DHRS7B: variants seen among roughly 807,000 people sequenced by gnomAD.
DHRS7B encodes the protein dehydrogenase/reductase 7B.
Under a neutral mutation model 26.4 loss-of-function variants are expected in DHRS7B, and 24 were observed. That is an observed-to-expected ratio of 0.91 (90% CI 0.66 to 1.28). The LOEUF is 1.28. Ranked by LOEUF, DHRS7B falls within the 50% of genes most tolerant of loss-of-function variation. The pLI is 0.00. For synonymous variants in DHRS7B, 142 were observed against 166.4 expected (o/e 0.85, Z 1.13); for missense variants, 368 against 419.4 (o/e 0.88, Z 1.07).
At chr17:21,164,790 C>A (rs563630702) in intron 1 of DHRS7B, among the ~76,000 whole-genome samples, 2 of 152,320 alleles carry the variant, frequency 1.3e-5, no homozygotes, top group African/African-American at 4.8e-5. Context: ...CCAGCCCTAG[C>A]CCAGTGCCTG....
chr17:21,156,621 A>G (rs1567621790), intron 1 of DHRS7B, among the ~76,000 whole-genome samples: 1 of 147,160 alleles, frequency 6.8e-6, no homozygotes, highest in South Asian at 2.2e-4. Context: ...TAATTATAAT[A>G]AAAAAAATAA....
At chr17:21,179,478 T>C (rs1171937556) in intron 3 of DHRS7B, among the ~76,000 whole-genome samples, 1 of 152,062 alleles carries the variant, frequency 6.6e-6, no homozygotes, top group Non-Finnish European at 1.5e-5. Flanking sequence ...TGCATGCCCG[T>C]AGTCCCAACT....
At chr17:21,164,046 T>TTTTTTTTTTTTTTTTTTTTTTTTTTG (rs1974057627) in intron 1 of DHRS7B, among the ~76,000 whole-genome samples, 1 of 147,644 alleles carries the variant, frequency 6.8e-6, no homozygotes, top group African/African-American at 2.5e-5. Flanking sequence ...TTTTTTTTTT[T>TTTTTTTTTTTTTTTTTTTTTTTTTTG]GAGACAGGGT....
chr17:21,177,299 C>T (rs748860139), intron 2 of DHRS7B, among the ~76,000 whole-genome samples: 6 of 152,232 alleles, frequency 3.9e-5, no homozygotes, highest in Non-Finnish European at 7.3e-5. Context: ...AGGTTTCGGC[C>T]ATCCGGCTCT....
chr17:21,133,485 A>T (rs998113741), intron 1 of DHRS7B, among the ~76,000 whole-genome samples: 1 of 152,224 alleles, frequency 6.6e-6, no homozygotes, highest in Non-Finnish European at 1.5e-5. Flanking sequence ...TGAGTTTCTG[A>T]TGAGACTTCC....
At chr17:21,180,760 G>A (rs995693280) in intron 3 of DHRS7B, among the ~76,000 whole-genome samples, 8 of 152,046 alleles carry the variant, frequency 5.3e-5, no homozygotes, top group African/African-American at 1.9e-4. Flanking sequence ...TTGAAGTGAG[G>A]AAGTGTGAGT....
intron 1 of DHRS7B, among the ~76,000 whole-genome samples, chr17:21,138,079 T>C (rs79476848): frequency 1.1e-5 from 1 of 91,964 alleles, no homozygotes; most frequent in Non-Finnish European, 2.0e-5. Context: ...AAAAAAAATA[T>C]ATATATATAT....
At chr17:21,176,511 G>A (rs1974382473) in intron 2 of DHRS7B, among the ~76,000 whole-genome samples, 1 of 152,020 alleles carries the variant, frequency 6.6e-6, no homozygotes, top group African/African-American at 2.4e-5. Flanking sequence ...TGAGGTGGAA[G>A]GATCACTGGA....
At chr17:21,136,470 C>G (rs1018753417) in intron 1 of DHRS7B, among the ~76,000 whole-genome samples, 28 of 152,042 alleles carry the variant, frequency 1.8e-4, no homozygotes, top group African/African-American at 6.8e-4. Context: ...CGAGATCACA[C>G]CTTTGCACTC....
intron 1 of DHRS7B, among the ~76,000 whole-genome samples, chr17:21,130,903 A>G (rs1023662029): frequency 2.6e-5 from 4 of 152,198 alleles, no homozygotes; most frequent in African/African-American, 4.8e-5. Flanking sequence ...TTGGGATTGA[A>G]TGGTGTGTAA....
chr17:21,165,722 C>G (rs1470367148), intron 1 of DHRS7B, among the ~76,000 whole-genome samples: 3 of 151,962 alleles, frequency 2.0e-5, no homozygotes, highest in Non-Finnish European at 2.9e-5. Flanking sequence ...TCGAGACCAG[C>G]CTGGCCAGTA....
intron 1 of DHRS7B, among the ~76,000 whole-genome samples, chr17:21,138,309 C>T (rs910115591): frequency 4.8e-5 from 7 of 146,356 alleles, no homozygotes; most frequent in South Asian, 4.3e-4. Context: ...CTCCAAGCTC[C>T]GCCTCCCGGG....
chr17:21,159,871 A>AG (rs1382921274), intron 1 of DHRS7B, among the ~76,000 whole-genome samples: 1 of 150,902 alleles, frequency 6.6e-6, no homozygotes, highest in African/African-American at 2.4e-5. Context: ...TCAAAAAAAA[A>AG]AAAAAAAAAA....
chr17:21,168,923 A>G (rs1597748600), intron 1 of DHRS7B: 6 of 985,186 alleles, frequency 6.1e-6, no homozygotes, highest in Middle Eastern at 5.2e-4. Flanking sequence ...TCTTCATGTC[A>G]TGGATTGCTG....
chr17:21,174,662 A>G (rs1974334239), intron 2 of DHRS7B, among the ~76,000 whole-genome samples: 1 of 152,172 alleles, frequency 6.6e-6, no homozygotes, highest in Non-Finnish European at 1.5e-5. Flanking sequence ...ATCTCCCCAA[A>G]GCTGTTTAGA....
Position 21,191,225 on chromosome 17 carries a change from C to A in DHRS7B, c.*72C>A. The A allele has an allele frequency of 6.8e-7, 1 of 1,476,756 alleles. No individual in the cohort carries two copies. Among genetic ancestry groups the A allele is most frequent in the Non-Finnish European group, 9.4e-7 (1 of 1,068,246 alleles). The allele number at this position is 1,476,756 out of a possible 1,614,324, so 91.5% of individuals were successfully genotyped here. ...TTGCTTACTCTACAAGGGACAGTTGCATTTGTTGAGACTTTAATGGAGATT... is the reference window on the plus strand; with the variant it reads ...TTGCTTACTCTACAAGGGACAGTTGAATTTGTTGAGACTTTAATGGAGATT... On this transcript the variant is annotated 3_prime_UTR_variant, in exon 7 of 7. Coordinates refer to ENST00000395511, the MANE Select transcript of DHRS7B (RefSeq NM_015510.5).
intron 1 of DHRS7B, among the ~76,000 whole-genome samples, chr17:21,146,407 CA>C (rs1177711427): frequency 1.3e-5 from 2 of 152,110 alleles, no homozygotes; most frequent in Non-Finnish European, 2.9e-5. Context: ...TCTCAGAAAA[CA>C]AAAACAAAAC....
At position 21,142,139 on chromosome 17, in the gene DHRS7B, C is replaced by A. The variant is rs145109937; in HGVS notation, c.20+15148C>A. On this transcript the variant is annotated intron_variant, in intron 1 of 6. Transcript: ENST00000395511. ...TTAAAATCCGAGCTCTTCAGGTGCT[C>A]AACTTCTGTCCCTTTTAAGGACTCA... is the stretch of plus-strand genomic sequence containing the variant. Among the ~76,000 whole-genome samples the A allele has an allele frequency of 3.0e-4, 45 of 152,264 alleles. No individual in the cohort carries two copies. The East Asian group carries it at 8.7e-3, about 29-fold the overall frequency.
chr17:21,162,660 A>C (rs1270768053), intron 1 of DHRS7B, among the ~76,000 whole-genome samples: 2 of 152,172 alleles, frequency 1.3e-5, no homozygotes, highest in African/African-American at 2.4e-5. Flanking sequence ...AACCCTGTCC[A>C]GATATGGAGG....
Sources: gnomAD v4.1 joint callset for allele counts (sites outside exome capture counted in the v4.1 genomes callset) on GRCh38, gnomAD v4.1.1 for gene constraint, MANE v1.5 for transcripts, NCBI Gene and HGNC (gene_info 2026-07-23, HGNC 2026-07-21) for gene names.